FRMD6: variants seen among roughly 807,000 people sequenced by gnomAD.
The protein encoded by FRMD6 is FERM domain-containing protein 6.
FRMD6 carries 37 observed loss-of-function variants against 73.2 expected under a neutral mutation model. The ratio of observed to expected loss-of-function variants is 0.51; its 90% CI spans 0.39 to 0.66. FRMD6 has a LOEUF of 0.66. Among genes scored for constraint, FRMD6 ranks in the 30% least tolerant of loss-of-function variants. The pLI, the probability that FRMD6 is intolerant of heterozygous loss-of-function variation, is 0.00. For missense variants in FRMD6, 714 were observed against 780.5 expected (o/e 0.91, Z 1.02); for synonymous variants, 273 against 282.2 (o/e 0.97, Z 0.33).
At chr14:51,659,840 T>C (rs986648609) in intron 1 of FRMD6, among the ~76,000 whole-genome samples, 1 of 152,194 alleles carries the variant, frequency 6.6e-6, no homozygotes, top group African/African-American at 2.4e-5. Context: ...ATTGGCACAG[T>C]TTATATAATG....
At chr14:51,413,580 T>C in the FRMD6 span, among the ~76,000 whole-genome samples, 1 of 152,244 alleles carries the variant, frequency 6.6e-6, no homozygotes, top group Non-Finnish European at 1.5e-5. Flanking sequence ...TTGGGTTGGT[T>C]CCAAGTCTTT....
chr14:51,691,626 T>C (rs1030572225), intron 2 of FRMD6, among the ~76,000 whole-genome samples: 1 of 146,024 alleles, frequency 6.8e-6, no homozygotes, highest in Non-Finnish European at 1.5e-5. Flanking sequence ...TCAGAGTCTT[T>C]CTCTGCTGTC....
chr14:51,559,965 A>G (rs1187830446), intron 1 of FRMD6, among the ~76,000 whole-genome samples: 2 of 152,246 alleles, frequency 1.3e-5, no homozygotes, highest in Non-Finnish European at 1.5e-5. Context: ...CATTGTAAAT[A>G]CTAACTTAAT....
intron 1 of FRMD6, among the ~76,000 whole-genome samples, chr14:51,538,061 A>G (rs1352443710): frequency 6.6e-6 from 1 of 152,132 alleles, no homozygotes; most frequent in African/African-American, 2.4e-5. Flanking sequence ...TTGATCTTAT[A>G]TCTAAAAAGT....
chr14:51,421,718 G>A, the FRMD6 span, among the ~76,000 whole-genome samples: 1 of 152,214 alleles, frequency 6.6e-6, no homozygotes, highest in Non-Finnish European at 1.5e-5. Flanking sequence ...AAAGACTAGG[G>A]CCATGGTGAA....
At chr14:51,670,807 G>A (rs1893951670) in intron 1 of FRMD6, among the ~76,000 whole-genome samples, 2 of 151,778 alleles carry the variant, frequency 1.3e-5, no homozygotes, top group African/African-American at 2.4e-5. Flanking sequence ...CACCACTCCC[G>A]GCTAATTTTT....
intron 2 of FRMD6, among the ~76,000 whole-genome samples, chr14:51,577,477 T>A (rs949473390): frequency 6.6e-6 from 1 of 152,220 alleles, no homozygotes; most frequent in Non-Finnish European, 1.5e-5. Context: ...CCAAGCCCTA[T>A]GCTAAGTATA....
At chr14:51,636,614 A>C (rs1434405028) in intron 2 of FRMD6, among the ~76,000 whole-genome samples, 1 of 152,198 alleles carries the variant, frequency 6.6e-6, no homozygotes, top group African/African-American at 2.4e-5. Context: ...AAACTATAAA[A>C]TGCTGTCCAA....
chr14:51,635,927 C>T (rs1383286069), intron 2 of FRMD6, among the ~76,000 whole-genome samples: 3 of 152,232 alleles, frequency 2.0e-5, no homozygotes, highest in Non-Finnish European at 4.4e-5. Context: ...CCGTAGTGTA[C>T]ACCTAGCTCT....
intron 1 of FRMD6, among the ~76,000 whole-genome samples, chr14:51,539,256 C>T (rs1886076014): frequency 1.3e-5 from 2 of 152,090 alleles, no homozygotes. Context: ...TTTTTCACCT[C>T]TCCCTCCCTG....
At chr14:51,630,553 C>A (rs573875402) in intron 2 of FRMD6, among the ~76,000 whole-genome samples, 28 of 152,138 alleles carry the variant, frequency 1.8e-4, no homozygotes, top group African/African-American at 6.0e-4. Context: ...CATTTGAGAC[C>A]AGCCTGGGCA....
chr14:51,618,125 T>C (rs1890785358), intron 2 of FRMD6, among the ~76,000 whole-genome samples: 1 of 152,182 alleles, frequency 6.6e-6, no homozygotes, highest in African/African-American at 2.4e-5. Context: ...CCAGGTGTTA[T>C]CTGTGAGAAT....
the FRMD6 span, among the ~76,000 whole-genome samples, chr14:51,443,014 C>T: frequency 6.6e-6 from 1 of 152,166 alleles, no homozygotes; most frequent in African/African-American, 2.4e-5. Flanking sequence ...ATGACTCTGG[C>T]TTCCCCATAC....
chr14:51,518,517 G>A (rs975515431), intron 1 of FRMD6, among the ~76,000 whole-genome samples: 1 of 152,190 alleles, frequency 6.6e-6, no homozygotes. Flanking sequence ...TCTCCCAGGG[G>A]TGTTATAAGG....
chr14:51,633,719 A>T (rs184349385), intron 2 of FRMD6, among the ~76,000 whole-genome samples: 2 of 152,338 alleles, frequency 1.3e-5, no homozygotes, highest in Admixed American at 1.3e-4. Flanking sequence ...AAGAATACAA[A>T]TAATAACTCT....
At chr14:51,441,671 A>G in the FRMD6 span, among the ~76,000 whole-genome samples, 2,856 of 152,284 alleles carry the variant, frequency 0.019, 91 homozygotes, top group African/African-American at 0.065. Context: ...AGGTGTCTAA[A>G]TGTAAACCCA....
chr14:51,593,767 T>C (rs1889539568), intron 2 of FRMD6, among the ~76,000 whole-genome samples: 1 of 152,144 alleles, frequency 6.6e-6, no homozygotes, highest in South Asian at 2.1e-4. Context: ...CCAGACTACT[T>C]TGATATAGTA....
At chr14:51,542,394 T>G (rs1204638332) in intron 1 of FRMD6, among the ~76,000 whole-genome samples, 1 of 152,088 alleles carries the variant, frequency 6.6e-6, no homozygotes, top group Non-Finnish European at 1.5e-5. Context: ...TGTGGCCTTG[T>G]GTGTCTGGCT....
chr14:51,434,818 A>G, the FRMD6 span, among the ~76,000 whole-genome samples: 1 of 152,184 alleles, frequency 6.6e-6, no homozygotes, highest in Non-Finnish European at 1.5e-5. Context: ...ATCAAAGTTA[A>G]TATCACCTAA....
Sources: gnomAD v4.1 joint callset for allele counts (sites outside exome capture counted in the v4.1 genomes callset) on GRCh38, gnomAD v4.1.1 for gene constraint, MANE v1.5 for transcripts, NCBI Gene and HGNC (gene_info 2026-07-23, HGNC 2026-07-21) for gene names.